Variants in MORC3 observed in about 807,000 individuals in gnomAD.
The protein encoded by MORC3 is MORC family CW-type zinc finger 3.
Under a neutral mutation model 109.1 loss-of-function variants are expected in MORC3, and 31 were observed. The observed-to-expected ratio is 0.28, with a 90% CI of 0.21 to 0.38. The LOEUF is 0.38. Among genes scored for constraint, MORC3 ranks in the 10% least tolerant of loss-of-function variants. The pLI, the probability that MORC3 is intolerant of heterozygous loss-of-function variation, is 1.00. For synonymous variants in MORC3, 395 were observed against 380.7 expected (o/e 1.04, Z -0.44); for missense variants, 867 against 1,135.8 (o/e 0.76, Z 3.40).
chr21:36,323,086 C>A (rs2085210644), intron 1 of MORC3, among the ~76,000 whole-genome samples: 1 of 152,142 alleles, frequency 6.6e-6, no homozygotes, highest in Non-Finnish European at 1.5e-5. Context: ...AGCTCTTTTC[C>A]AGATGGATTC....
At chr21:36,370,637 ATATTTTTTTTTTTTTTTTTT>A (rs1255290913) in intron 15 of MORC3, among the ~76,000 whole-genome samples, 1 of 28,700 alleles carries the variant, frequency 3.5e-5, no homozygotes, top group African/African-American at 1.2e-4. Context: ...ATATATATAT[ATATTTTTTTTTTTTTTTTTT>A]TTTTTTTTTT....
intron 10 of MORC3, among the ~76,000 whole-genome samples, chr21:36,358,661 C>T (rs1196949558): frequency 1.3e-5 from 2 of 151,666 alleles, no homozygotes; most frequent in African/African-American, 2.4e-5. Flanking sequence ...AAGTTCTTTA[C>T]AGGAATTATT....
chr21:36,357,746 G>GT (rs569430564), intron 10 of MORC3, among the ~76,000 whole-genome samples: 3,938 of 139,580 alleles, frequency 0.028, 153 homozygotes, highest in African/African-American at 0.09. Context: ...TTTTTTTTTG[G>GT]TTTTTTTTTT....
intron 13 of MORC3, among the ~76,000 whole-genome samples, chr21:36,363,275 G>A (rs1286338282): frequency 1.3e-5 from 2 of 152,098 alleles, no homozygotes; most frequent in Non-Finnish European, 2.9e-5. Flanking sequence ...AAAAAATAAT[G>A]TGGTGGCAGG....
chr21:36,371,013 A>G (rs1447290885), intron 15 of MORC3, among the ~76,000 whole-genome samples: 1 of 152,100 alleles, frequency 6.6e-6, no homozygotes, highest in African/African-American at 2.4e-5. Context: ...CATCTGGCTA[A>G]AGGGTGCCTG....
chr21:36,365,205 G>C (rs558743233), intron 14 of MORC3, among the ~76,000 whole-genome samples: 24 of 152,296 alleles, frequency 1.6e-4, no homozygotes, highest in African/African-American at 5.8e-4. Context: ...TGCATGAATT[G>C]AATAGTTAGC....
intron 14 of MORC3, among the ~76,000 whole-genome samples, chr21:36,368,513 TC>T: frequency 6.6e-6 from 1 of 152,288 alleles, no homozygotes; most frequent in Non-Finnish European, 1.5e-5. Flanking sequence ...AATCTCTACT[TC>T]ATTAAATCAG....
chr21:36,327,157 T>TC (rs2085257315), intron 1 of MORC3, among the ~76,000 whole-genome samples: 1 of 31,358 alleles, frequency 3.2e-5, no homozygotes. Flanking sequence ...CTTTATTTCT[T>TC]TTTTTTTTTT....
chr21:36,342,902 C>T (rs1187770428), intron 6 of MORC3, among the ~76,000 whole-genome samples: 1 of 151,406 alleles, frequency 6.6e-6, no homozygotes, highest in Non-Finnish European at 1.5e-5. Context: ...GCCTGTGATC[C>T]CAGCGGCTTG....
chr21:36,322,794 A>T (rs8130829), intron 1 of MORC3, among the ~76,000 whole-genome samples: 285 of 152,166 alleles, frequency 1.9e-3, no homozygotes, highest in African/African-American at 6.2e-3. Flanking sequence ...AATGAAATGC[A>T]TATACTTTGG....
intron 1 of MORC3, among the ~76,000 whole-genome samples, chr21:36,327,620 ATAAC>A (rs753015668): frequency 4.6e-5 from 7 of 151,438 alleles, no homozygotes; most frequent in Middle Eastern, 3.4e-3. Flanking sequence ...CAATAGATAA[ATAAC>A]TGACTGACAT....
intron 1 of MORC3, among the ~76,000 whole-genome samples, chr21:36,324,788 A>G (rs1271594401): frequency 4.2e-5 from 6 of 144,226 alleles, no homozygotes; most frequent in South Asian, 2.2e-4. Flanking sequence ...GCTCACTGCA[A>G]TCTCCACTTC....
At chr21:36,323,350 C>T (rs539354186) in intron 1 of MORC3, among the ~76,000 whole-genome samples, 23 of 152,254 alleles carry the variant, frequency 1.5e-4, no homozygotes, top group African/African-American at 5.1e-4. Context: ...GCCAGAGTTT[C>T]CAATCTGAAT....
chr21:36,358,638 A>C (rs1374801282), intron 10 of MORC3, among the ~76,000 whole-genome samples: 1 of 152,066 alleles, frequency 6.6e-6, no homozygotes, highest in Non-Finnish European at 1.5e-5. Flanking sequence ...TAAAAAAATA[A>C]AAGAATATAT....
chr21:36,352,540 T>C (rs2085584569), intron 9 of MORC3, among the ~76,000 whole-genome samples: 1 of 152,174 alleles, frequency 6.6e-6, no homozygotes, highest in Non-Finnish European at 1.5e-5. Flanking sequence ...TGGTTGAGCA[T>C]TGCAAATCTG....
chr21:36,346,084 G>C (rs2085504317), intron 8 of MORC3, among the ~76,000 whole-genome samples: 1 of 152,054 alleles, frequency 6.6e-6, no homozygotes, highest in Non-Finnish European at 1.5e-5. Flanking sequence ...GCAGTGGTGT[G>C]ATCTCAGCTC....
chr21:36,376,596 A>G lies in MORC3; in HGVS notation c.*1300A>G, dbSNP rs1422798163. Reference sequence around the variant, plus strand: ...ACAATTGTAATTTCCCAAATTTTAAAATATCTTATAATAAAATAAAAATAT... The same window carrying G: ...ACAATTGTAATTTCCCAAATTTTAAGATATCTTATAATAAAATAAAAATAT... On this transcript the variant is annotated 3_prime_UTR_variant, in exon 17 of 17. Coordinates refer to ENST00000400485, the MANE Select transcript of MORC3 (RefSeq NM_015358.3). The G allele has an allele frequency of 6.6e-6, 1 of 152,192 alleles. No homozygotes were observed. Among genetic ancestry groups the G allele is most frequent in the Non-Finnish European group, 1.5e-5 (1 of 68,026 alleles). 9.4% of individuals were successfully genotyped at this position (152,192 alleles called of 1,614,324 possible). A position where few individuals can be genotyped will look rare whatever the true frequency, so the allele number is the denominator to read the frequency against.
At chr21:36,356,517 T>C in intron 9 of MORC3, 103 bp from the exon 10 acceptor site, 1 of 581,150 alleles carries the variant, frequency 1.7e-6, no homozygotes, top group South Asian at 2.7e-5. Flanking sequence ...ACTATATGTT[T>C]TGGAGTTTTT....
chr21:36,335,272 G>A (rs1376650337), intron 2 of MORC3, among the ~76,000 whole-genome samples: 2 of 151,738 alleles, frequency 1.3e-5, no homozygotes, highest in African/African-American at 4.8e-5. Context: ...ATCAAGGAAG[G>A]GTTCTATCAT....
Sources: allele counts gnomAD v4.1 joint callset (sites outside exome capture counted in the v4.1 genomes callset), GRCh38; gene constraint gnomAD v4.1.1; transcripts MANE v1.5; gene names NCBI Gene and HGNC (gene_info 2026-07-23, HGNC 2026-07-21).